AP3B2: variants seen among roughly 807,000 people sequenced by gnomAD.
The protein encoded by AP3B2 is AP-3 complex subunit beta-2.
A neutral mutation model predicts 126.9 loss-of-function variants in AP3B2; 50 were observed. The ratio of observed to expected loss-of-function variants is 0.39; its 90% CI spans 0.31 to 0.50. AP3B2 has a LOEUF of 0.50. AP3B2 is among the 20% of genes least tolerant of loss of function. The pLI, the probability that AP3B2 is intolerant of heterozygous loss-of-function variation, is 0.79. For synonymous variants in AP3B2, 541 were observed against 565.0 expected (o/e 0.96, Z 0.60); for missense variants, 1,177 against 1,426.4 (o/e 0.83, Z 2.82).
At chr15:82,678,981 C>A (rs893345998) in intron 10 of AP3B2, among the ~76,000 whole-genome samples, 6 of 152,182 alleles carry the variant, frequency 3.9e-5, no homozygotes, top group African/African-American at 1.4e-4. Flanking sequence ...GCTCCCGCCA[C>A]TTTCCTTGTC....
intron 10 of AP3B2, among the ~76,000 whole-genome samples, chr15:82,679,157 CTT>C (rs1456606788): frequency 2.0e-5 from 3 of 152,130 alleles, no homozygotes; most frequent in South Asian, 2.1e-4. Flanking sequence ...GAGTTTCGCT[CTT>C]GTCACCCAGG....
intron 1 of AP3B2, among the ~76,000 whole-genome samples, chr15:82,706,768 C>T (rs576584132): frequency 9.8e-5 from 15 of 152,298 alleles, no homozygotes; most frequent in Non-Finnish European, 1.6e-4. Flanking sequence ...GGTTACAAGC[C>T]GCTAGCCTGC....
chr15:82,681,329 A>C lies in AP3B2; in HGVS notation c.521+91T>G, dbSNP rs1363699604. ...AACTACCCTCCTCAAACCCTCTGAGAAGCAGCAGGCAAGACTTAGGAAAGG... is the reference window on the plus strand; with the variant it reads ...AACTACCCTCCTCAAACCCTCTGAGCAGCAGCAGGCAAGACTTAGGAAAGG... On this transcript the variant is annotated intron_variant, in intron 5 of 26. Coordinates refer to ENST00000535359, the MANE Select transcript of AP3B2 (RefSeq NM_001278512.2). This position sits in a 1 kb window ranked among gnomAD's most constrained non-coding sequence, Gnocchi z 4.0. 5.8e-6 allele frequency: 9 copies of C among 1,564,474 alleles called. No homozygotes were observed. In the East Asian group the frequency reaches 1.1e-4, roughly 20 times the overall value.
chr15:82,691,444 T>A (rs987743553), intron 1 of AP3B2, among the ~76,000 whole-genome samples: 3 of 152,184 alleles, frequency 2.0e-5, no homozygotes, highest in Non-Finnish European at 4.4e-5. Context: ...TTGATCTCCA[T>A]AGCAGAGCAA....
chr15:82,677,030 C>G (rs2048253839), intron 13 of AP3B2, among the ~76,000 whole-genome samples: 1 of 152,152 alleles, frequency 6.6e-6, no homozygotes, highest in Admixed American at 6.6e-5. Flanking sequence ...CCATGGTTGG[C>G]TAGAGCTTTA....
In AP3B2 at chr15:82,707,628, C is replaced by T. The variant is rs184047414; in HGVS notation, c.113+1966G>A. 3.7e-4 allele frequency among the ~76,000 whole-genome samples: 56 copies of T among 152,294 alleles called. 1 individual carries two copies. The highest frequency in any genetic ancestry group is 3.8e-4 in the Non-Finnish European group (26 of 68,026). On this transcript the variant is annotated intron_variant, in intron 1 of 26. Coordinates refer to ENST00000535359, the MANE Select transcript of AP3B2 (RefSeq NM_001278512.2). ...CTCCCTCTTAAAGTAAATAAATAAT[C>T]TTTGCTGGCAGGGCTATGCTGAACC...
chr15:82,690,412 C>T (rs942443237), intron 1 of AP3B2, among the ~76,000 whole-genome samples: 2 of 151,778 alleles, frequency 1.3e-5, no homozygotes, highest in South Asian at 2.1e-4. Context: ...CCTCCCCCAA[C>T]GCCACAACAG....
At chr15:82,703,056 A>G (rs546446634) in intron 1 of AP3B2, among the ~76,000 whole-genome samples, 1 of 151,764 alleles carries the variant, frequency 6.6e-6, no homozygotes, top group Non-Finnish European at 1.5e-5. Flanking sequence ...TCTGGTAGAG[A>G]CAGGAAATGC....
chr15:82,662,865 CG>C lies in AP3B2; in HGVS notation c.2661del (p.Glu888ArgfsTer69). 1.2e-6 allele frequency: 2 copies of C among 1,613,640 alleles called. No individual in the cohort carries two copies. The highest frequency in any genetic ancestry group is 1.7e-6 in the Non-Finnish European group (2 of 1,179,792). The part of the protein sequence containing the change: ...GRQELLHRVA[G>X]EGLAVDYTFS... The stretch of plus-strand genomic sequence containing the variant: ...AAGGTGTAGTCCACAGCCAGCCCCT[CG>C]CCAGCTACCCGGTGCAGCAGCTCCT... On this transcript the variant is annotated frameshift_variant, in exon 23 of 27. Transcript: ENST00000535359. LOFTEE classifies it high-confidence loss of function.
intron 14 of AP3B2, among the ~76,000 whole-genome samples, chr15:82,675,441 A>G (rs1361338629): frequency 1.3e-5 from 2 of 152,232 alleles, no homozygotes; most frequent in Non-Finnish European, 2.9e-5. Context: ...ACTGAAAAAG[A>G]TAAGTGCCAC....
chr15:82,666,692 C>G, intron 15 of AP3B2, 55 bp downstream of exon 15: 1 of 1,570,166 alleles, frequency 6.4e-7, no homozygotes, highest in East Asian at 2.3e-5. Flanking sequence ...GGCAGAGACT[C>G]TGGCCAGTTC....
chr15:82,666,997 A>G (rs1323233968), intron 14 of AP3B2, 64 bp from the exon 15 acceptor site: 1 of 1,507,760 alleles, frequency 6.6e-7, no homozygotes, highest in Non-Finnish European at 9.1e-7. Flanking sequence ...GCTCAGAAAC[A>G]GATTCTTTAA....
chr15:82,662,124 T>A (rs1375738114), intron 24 of AP3B2, 44 bp downstream of exon 24: 1 of 1,531,826 alleles, frequency 6.5e-7, no homozygotes, highest in African/African-American at 1.4e-5. Flanking sequence ...ACCCTGTCCC[T>A]TTCCAGCCCA....
chr15:82,677,916 G>C (rs1024700676), intron 11 of AP3B2, 113 bp from the exon 12 acceptor site: 28 of 1,402,578 alleles, frequency 2.0e-5, no homozygotes, highest in Middle Eastern at 3.7e-4. Flanking sequence ...TAAGACTTGG[G>C]AAAGGGGGTG....
At chr15:82,692,705 C>A (rs2048561998) in intron 1 of AP3B2, 1 of 153,094 alleles carries the variant, frequency 6.5e-6, no homozygotes, top group African/African-American at 2.4e-5. Context: ...CTGGAAGGGT[C>A]CCAGAGACTC....
At position 82,695,525 on chromosome 15, in the gene AP3B2, G is replaced by C. The variant is rs959670969; in HGVS notation, c.114-6072C>G. Among the ~76,000 whole-genome samples the C allele has an allele frequency of 2.6e-5, 4 of 152,130 alleles. No individual in the cohort carries two copies. In the East Asian group the frequency reaches 7.7e-4, roughly 29 times the overall value. On this transcript the variant is annotated intron_variant, in intron 1 of 26. Coordinates refer to ENST00000535359, the MANE Select transcript of AP3B2 (RefSeq NM_001278512.2). ...GCCTTCATAAAAACCCAAGAGGATA[G>C]GGTTTCGAGAGCTTCCAGACTGTGG...
intron 1 of AP3B2, among the ~76,000 whole-genome samples, chr15:82,698,133 C>A (rs534481742): frequency 2.6e-5 from 4 of 152,142 alleles, no homozygotes; most frequent in African/African-American, 9.6e-5. Flanking sequence ...GACATACCTA[C>A]ACCTCACGGA....
intron 1 of AP3B2, among the ~76,000 whole-genome samples, chr15:82,705,343 C>T (rs529389061): frequency 4.6e-5 from 7 of 152,282 alleles, no homozygotes; most frequent in Admixed American, 4.6e-4. Flanking sequence ...CCCCATTTTA[C>T]CTGTTCAAAA....
At position 82,680,376 on chromosome 15, in the gene AP3B2, G is replaced by A; in HGVS notation, c.1055+96C>T. On this transcript the variant is annotated intron_variant, in intron 8 of 26. Transcript: ENST00000535359. This position sits in a 1 kb window ranked among gnomAD's most constrained non-coding sequence, Gnocchi z 6.1. Reference sequence around the variant, plus strand: ...GTCAGTGTGGAGCGGGTGGGCAGAGGTGGAAGCGGCTGGTGGGCGTGAGGG... The same window carrying A: ...GTCAGTGTGGAGCGGGTGGGCAGAGATGGAAGCGGCTGGTGGGCGTGAGGG... 9 of 1,467,916 alleles carry A rather than the reference G, an allele frequency of 6.1e-6. No homozygotes were observed. The highest frequency in any genetic ancestry group is 8.2e-6 in the Non-Finnish European group (9 of 1,101,570). The allele number at this position is 1,467,916 out of a possible 1,614,324, so 90.9% of individuals were successfully genotyped here.
Sources: allele counts gnomAD v4.1 joint callset (sites outside exome capture counted in the v4.1 genomes callset), GRCh38; gene constraint gnomAD v4.1.1; non-coding constraint Gnocchi (gnomAD v3.1); transcripts MANE v1.5; gene names NCBI Gene and HGNC (gene_info 2026-07-23, HGNC 2026-07-21).